The following SH2D4B variants were observed in gnomAD, a reference collection of about 807,000 sequenced individuals.
SH2D4B encodes SH2 domain-containing protein 4B.
In SH2D4B, 45 loss-of-function variants were observed where a neutral mutation model predicts 61.5. The ratio of observed to expected loss-of-function variants is 0.73; its 90% CI spans 0.58 to 0.94. The LOEUF is 0.94. SH2D4B is among the 40% of genes least tolerant of loss of function. The pLI, the probability that SH2D4B is intolerant of heterozygous loss-of-function variation, is 0.00. For synonymous variants in SH2D4B, 224 were observed against 220.4 expected, an observed-to-expected ratio of 1.02 and a Z score of -0.14; for missense variants, 572 against 574.2, an observed-to-expected ratio of 1.00 and a Z score of 0.04.
At chr10:80,540,176 T>A (rs904098576) in intron 1 of SH2D4B, among the ~76,000 whole-genome samples, 4 of 152,210 alleles carry the variant, frequency 2.6e-5, no homozygotes, top group Non-Finnish European at 5.9e-5. Context: ...TAATTAATTT[T>A]CTGATTTATA....
chr10:80,556,173 T>C (rs908027242), intron 1 of SH2D4B, among the ~76,000 whole-genome samples: 2 of 152,108 alleles, frequency 1.3e-5, no homozygotes, highest in African/African-American at 4.8e-5. Context: ...ATTTTTCTAG[T>C]ACTATTTGTT....
At chr10:80,588,504 CTG>C (rs1280935701) in intron 3 of SH2D4B, 124 bp from the exon 4 acceptor site, 14 of 1,233,180 alleles carry the variant, frequency 1.1e-5, no homozygotes, top group Non-Finnish European at 1.6e-5. Context: ...CATGTAGGGA[CTG>C]AGGCTGGAGA....
intron 3 of SH2D4B, among the ~76,000 whole-genome samples, chr10:80,572,399 A>C (rs1393567096): frequency 3.3e-5 from 5 of 152,122 alleles, no homozygotes; most frequent in Non-Finnish European, 5.9e-5. Context: ...TGAGCTTTTT[A>C]ATGGAGGTCT....
At chr10:80,613,023 C>T (rs1236700839) in intron 6 of SH2D4B, among the ~76,000 whole-genome samples, 1 of 152,168 alleles carries the variant, frequency 6.6e-6, no homozygotes, top group Non-Finnish European at 1.5e-5. Flanking sequence ...CCATAAAAAG[C>T]CATGCCAGTG....
At position 80,570,230 on chromosome 10, in the gene SH2D4B, T is replaced by A. The variant is rs192169537; in HGVS notation, c.261T>A (p.Pro87=). Residue 87 remains proline (P), a synonymous_variant, in exon 2 of 8, where the codon CCT becomes CCA. Transcript: ENST00000646907. ...EVWVWIMGEG[P]GDKPYEEISE... ...GGGTCTGGATCATGGGAGAAGGCCC[T>A]GGTGACAAGCCCTACGAAGAGATCT... The A allele has an allele frequency of 2.7e-5, 44 of 1,614,096 alleles. No homozygotes were observed. Among genetic ancestry groups the A allele is most frequent in the Non-Finnish European group, 1.9e-5 (22 of 1,180,010 alleles).
rs1840396387 is a variant in SH2D4B at position 80,646,453 on chromosome 10, T to G, written c.*2368T>G. 6.6e-6 allele frequency: 1 copy of G among 152,200 alleles called. No individual in the cohort carries two copies. The highest frequency in any genetic ancestry group is 1.9e-4 in the East Asian group (1 of 5,194). 9.4% of individuals were successfully genotyped at this position (152,200 alleles called of 1,614,324 possible). A position where few individuals can be genotyped will look rare whatever the true frequency, so the allele number is the denominator to read the frequency against. On this transcript the variant is annotated 3_prime_UTR_variant, in exon 8 of 8. Transcript: ENST00000646907. ...TTAGGTTTTACCTTTTTACCTGGCTTTAAAATAAATCCCTTGTAAGTTGTC... is the reference window on the plus strand; with the variant it reads ...TTAGGTTTTACCTTTTTACCTGGCTGTAAAATAAATCCCTTGTAAGTTGTC...
At chr10:80,609,817 C>T (rs1275421668) in intron 6 of SH2D4B, among the ~76,000 whole-genome samples, 4 of 152,220 alleles carry the variant, frequency 2.6e-5, no homozygotes, top group African/African-American at 9.6e-5. Context: ...AAGGGCCCCT[C>T]AGAGGCATCT....
chr10:80,573,454 T>G (rs765950586), intron 3 of SH2D4B, among the ~76,000 whole-genome samples: 16 of 152,220 alleles, frequency 1.1e-4, no homozygotes, highest in Admixed American at 2.0e-4. Flanking sequence ...TATAAAAATC[T>G]ACATTGTTTA....
At chr10:80,629,252 G>A (rs1408277006) in intron 6 of SH2D4B, among the ~76,000 whole-genome samples, 1 of 151,794 alleles carries the variant, frequency 6.6e-6, no homozygotes, top group Non-Finnish European at 1.5e-5. Context: ...GAGAGAGAGA[G>A]TGAGGGGGAA....
chr10:80,545,540 C>CCTTTTCTTCTTCTTCTTCCTCTCCT (rs1841665074), intron 1 of SH2D4B, among the ~76,000 whole-genome samples: 1 of 151,748 alleles, frequency 6.6e-6, no homozygotes, highest in African/African-American at 2.4e-5. Flanking sequence ...TCCTCTTCTC[C>CCTTTTCTTCTTCTTCTTCCTCTCCT]GCTTTCTTCT....
intron 3 of SH2D4B, among the ~76,000 whole-genome samples, chr10:80,582,384 T>C (rs1842192939): frequency 6.6e-6 from 1 of 152,208 alleles, no homozygotes; most frequent in Non-Finnish European, 1.5e-5. Context: ...CCGAGTCACA[T>C]AAAATCAGCC....
At chr10:80,550,038 T>C (rs1366761003) in intron 1 of SH2D4B, among the ~76,000 whole-genome samples, 1 of 151,344 alleles carries the variant, frequency 6.6e-6, no homozygotes, top group Admixed American at 6.6e-5. Context: ...AGGAAAGAAC[T>C]TGCAGCCTTA....
chr10:80,621,620 G>T (rs1842717912), intron 6 of SH2D4B, among the ~76,000 whole-genome samples: 1 of 152,156 alleles, frequency 6.6e-6, no homozygotes. Flanking sequence ...TGTCGTCTGG[G>T]TATAGGGAGA....
intron 2 of SH2D4B, among the ~76,000 whole-genome samples, chr10:80,570,833 A>G (rs1480419025): frequency 6.6e-6 from 1 of 152,066 alleles, no homozygotes. Flanking sequence ...CATCTTTTAC[A>G]TGCATCTTTG....
At chr10:80,561,680 CAA>C (rs1841904304) in intron 1 of SH2D4B, among the ~76,000 whole-genome samples, 1 of 152,044 alleles carries the variant, frequency 6.6e-6, no homozygotes, top group Non-Finnish European at 1.5e-5. Flanking sequence ...GTACCCTGAT[CAA>C]AACTAAGAAA....
chr10:80,546,312 T>A (rs1841680185), intron 1 of SH2D4B, among the ~76,000 whole-genome samples: 2 of 152,142 alleles, frequency 1.3e-5, no homozygotes, highest in African/African-American at 2.4e-5. Flanking sequence ...CCTCCTAAAG[T>A]GCTGGGATTA....
chr10:80,629,344 AC>A (rs1179370257), intron 6 of SH2D4B, among the ~76,000 whole-genome samples: 1 of 152,190 alleles, frequency 6.6e-6, no homozygotes, highest in African/African-American at 2.4e-5. Context: ...ATGGTGCTAA[AC>A]CATTTGTGAG....
chr10:80,623,760 C>T (rs1268090236), intron 6 of SH2D4B, among the ~76,000 whole-genome samples: 1 of 152,220 alleles, frequency 6.6e-6, no homozygotes, highest in African/African-American at 2.4e-5. Context: ...GTTTACTTAG[C>T]TCACTGAGCA....
intron 3 of SH2D4B, among the ~76,000 whole-genome samples, chr10:80,588,386 T>C (rs561293940): frequency 2.0e-5 from 3 of 152,198 alleles, no homozygotes; most frequent in Admixed American, 1.3e-4. Context: ...GAGGAAGCAA[T>C]TCAAATAAAA....
Sources: allele counts gnomAD v4.1 joint callset (sites outside exome capture counted in the v4.1 genomes callset), GRCh38; gene constraint gnomAD v4.1.1; transcripts MANE v1.5; gene names NCBI Gene and HGNC (gene_info 2026-07-23, HGNC 2026-07-21).